ITFG2: variants seen among roughly 807,000 people sequenced by gnomAD.
ITFG2 encodes the protein integrin alpha FG-GAP repeat containing 2, also known as KICSTOR complex protein ITFG2.
Under a neutral mutation model 54.4 loss-of-function variants are expected in ITFG2, and 36 were observed. The observed-to-expected ratio is 0.66, with a 90% CI of 0.51 to 0.87. The LOEUF is 0.87. Among genes scored for constraint, ITFG2 ranks in the 40% least tolerant of loss-of-function variants. The pLI, the probability that ITFG2 is intolerant of heterozygous loss-of-function variation, is 0.00. For synonymous variants in ITFG2, 211 were observed against 225.4 expected (o/e 0.94, Z 0.57); for missense variants, 524 against 576.7 (o/e 0.91, Z 0.94).
chr12:2,822,924 C>A lies in ITFG2; in HGVS notation c.1066+13C>A. On this transcript the variant is annotated intron_variant, in intron 10 of 11. Coordinates refer to ENST00000228799, the MANE Select transcript of ITFG2 (RefSeq NM_018463.4). ...GCCTTCTGTGCAGGTGACCCCCGCC[C>A]CCATGGCCCCTTTCTAACCACACTT... The A allele has an allele frequency of 6.3e-7, 1 of 1,597,600 alleles. No homozygotes were observed. The highest frequency in any genetic ancestry group is 8.6e-7 in the Non-Finnish European group (1 of 1,164,990).
chr12:2,814,084 C>T (rs2097915975), intron 1 of ITFG2, among the ~76,000 whole-genome samples: 1 of 152,174 alleles, frequency 6.6e-6, no homozygotes, highest in Non-Finnish European at 1.5e-5. Context: ...GCTGGGACTA[C>T]AGGTGCCTGC....
intron 5 of ITFG2, among the ~76,000 whole-genome samples, chr12:2,820,495 A>G (rs2097939861): frequency 6.6e-6 from 1 of 152,110 alleles, no homozygotes; most frequent in Non-Finnish European, 1.5e-5. Context: ...CAGCTGGGAC[A>G]TGCACAGGGG....
At chr12:2,855,248 G>A (rs1236132759) in intron 2 of ITFG2, 3 of 1,508,650 alleles carry the variant, frequency 2.0e-6, no homozygotes, top group Non-Finnish European at 1.8e-6. Context: ...CCCCAGGTGT[G>A]CTGGGCGCCA....
At position 2,849,520 on chromosome 12, in the gene ITFG2, C is replaced by T. The variant is rs74054759; in HGVS notation, n.301-8492C>T. 9,578 of 1,535,918 alleles carry T rather than the reference C, an allele frequency of 6.2e-3. 490 individuals carry two copies. The African/African-American group carries it at 0.12, about 19-fold the overall frequency. ...AAACCTCCCACCAGCGGATATGTGC[C>T]GGTACCTGTTGGGAGAAGGGTATGG... On this transcript the variant is annotated intron_variant and non_coding_transcript_variant, in intron 2 of 3. Coordinates refer to the ITFG2 transcript ENST00000537710.
chr12:2,847,450 A>G (rs748157306), intron 2 of ITFG2, among the ~76,000 whole-genome samples: 8 of 151,930 alleles, frequency 5.3e-5, no homozygotes, highest in East Asian at 1.9e-4. Flanking sequence ...GGCGGATCAC[A>G]AGGTCAGGAG....
At chr12:2,840,202 AC>A (rs2098037702) in intron 1 of ITFG2, among the ~76,000 whole-genome samples, 1 of 152,042 alleles carries the variant, frequency 6.6e-6, no homozygotes, top group African/African-American at 2.4e-5. Flanking sequence ...TAATTCCAGC[AC>A]TTTGGGAGGC....
chr12:2,856,899 G>T (rs2098089069), intron 2 of ITFG2: 5 of 702,812 alleles, frequency 7.1e-6, no homozygotes, highest in African/African-American at 1.7e-5. Flanking sequence ...ATAAGGGACA[G>T]CCTGTAGCCC....
chr12:2,830,847 A>G, exon 3 of ITFG2: 3 of 1,613,250 alleles, frequency 1.9e-6, no homozygotes, highest in Non-Finnish European at 2.5e-6. Flanking sequence ...TCTTTGGATC[A>G]CACTGCGCGG....
intron 2 of ITFG2, among the ~76,000 whole-genome samples, chr12:2,854,342 T>G (rs1203910690): frequency 5.3e-5 from 8 of 152,200 alleles, no homozygotes; most frequent in Admixed American, 1.3e-4. Context: ...CTAACTTTTG[T>G]TCAGTTCTTC....
downstream of ITFG2, chr12:2,826,174 A>T (rs2097965890): frequency 1.3e-5 from 2 of 151,828 alleles, no homozygotes; most frequent in African/African-American, 4.8e-5. Context: ...AATTCAAAAA[A>T]GCCTCTGTCT....
At chr12:2,853,433 C>T (rs1304531164) in intron 2 of ITFG2, among the ~76,000 whole-genome samples, 1 of 152,074 alleles carries the variant, frequency 6.6e-6, no homozygotes, top group Non-Finnish European at 1.5e-5. Context: ...CCACCACGCC[C>T]AGCTAATTTT....
In ITFG2 at chr12:2,817,012, T is replaced by C. The variant is rs528799902; in HGVS notation, c.97-211T>C. 1.2e-4 allele frequency among the ~76,000 whole-genome samples: 18 copies of C among 152,266 alleles called. 1 individual carries two copies. The South Asian group carries it at 3.3e-3, about 28-fold the overall frequency. On this transcript the variant is annotated intron_variant, in intron 1 of 11. Coordinates refer to ENST00000228799, the MANE Select transcript of ITFG2 (RefSeq NM_018463.4). ...TTGCCATGTTGCCCAGGCTGGTCTC[T>C]AACTCTTGGCCTCAAGTGATCCACC...
chr12:2,844,794 C>G (rs2098049675), intron 2 of ITFG2, among the ~76,000 whole-genome samples: 1 of 152,140 alleles, frequency 6.6e-6, no homozygotes, highest in Non-Finnish European at 1.5e-5. Context: ...CTAAAGAAGT[C>G]ACTGACTATT....
At chr12:2,827,566 C>G (rs527857678), downstream of ITFG2, 1 of 1,613,030 alleles carries the variant, frequency 6.2e-7, no homozygotes, top group African/African-American at 1.3e-5. The surrounding 1 kb of genome is among the most constrained non-coding windows in gnomAD (Gnocchi z 4.0). Flanking sequence ...GGTTCCACAC[C>G]TGTGCCTTCT....
Position 2,821,306 on chromosome 12 carries a change from G to T in ITFG2, c.740G>T (p.Gly247Val). 6.2e-7 allele frequency: 1 copy of T among 1,610,476 alleles called. No homozygotes were observed. The highest frequency in any genetic ancestry group is 8.5e-7 in the Non-Finnish European group (1 of 1,178,390). ...GACGTGGTGCTGCACCAGACATCTG[G>T]CCGTATCCACAACAAGAATGTCTCC... is the stretch of plus-strand genomic sequence containing the variant. Reference protein sequence around the residue: ...ARDVVLHQTSGRIHNKNVSTH... With the variant: ...ARDVVLHQTSVRIHNKNVSTH... Residue 247 changes from glycine to valine, a missense_variant, in exon 7 of 12, where the codon GGC becomes GTC. Gly to Val is a moderately radical substitution (Grantham distance 109). Transcript: ENST00000228799.
chr12:2,827,520 C>A, downstream of ITFG2: 1 of 1,578,756 alleles, frequency 6.3e-7, no homozygotes. This position sits in a 1 kb window ranked among gnomAD's most constrained non-coding sequence, Gnocchi z 4.0. Context: ...GGGACAGTTG[C>A]CCATCTCTAA....
chr12:2,836,049 A>C (rs1181285387), upstream of ITFG2, among the ~76,000 whole-genome samples: 2 of 152,206 alleles, frequency 1.3e-5, no homozygotes, highest in African/African-American at 4.8e-5. Context: ...TTTCATTTTT[A>C]GGTCTAACAA....
At chr12:2,834,692 C>G (rs777117189), upstream of ITFG2, 1 of 1,613,386 alleles carries the variant, frequency 6.2e-7, no homozygotes, top group Non-Finnish European at 8.5e-7. Flanking sequence ...GGGAGCAGGT[C>G]GGCCGAGTCC....
At chr12:2,827,193 G>T, downstream of ITFG2, 1 of 1,614,002 alleles carries the variant, frequency 6.2e-7, no homozygotes, top group South Asian at 1.1e-5. The surrounding 1 kb of genome is among the most constrained non-coding windows in gnomAD (Gnocchi z 4.0). Context: ...TCTGGGGACT[G>T]ACTGAGACAG....
Sources: gnomAD v4.1 joint callset for allele counts (sites outside exome capture counted in the v4.1 genomes callset) on GRCh38, gnomAD v4.1.1 for gene constraint, Gnocchi (gnomAD v3.1) non-coding constraint, MANE v1.5 for transcripts, NCBI Gene and HGNC (gene_info 2026-07-23, HGNC 2026-07-21) for gene names.